PCDH11X: variants seen among roughly 807,000 people sequenced by gnomAD.
PCDH11X encodes the protein protocadherin-11 X-linked.
PCDH11X carries 18 observed loss-of-function variants against 53.3 expected under a neutral mutation model. The observed-to-expected ratio is 0.34, with a 90% CI of 0.23 to 0.50. The LOEUF (loss-of-function observed/expected upper bound fraction) is 0.50. Among genes scored for constraint, PCDH11X ranks in the 20% least tolerant of loss-of-function variants. The pLI is 0.98. For synonymous variants in PCDH11X, 279 were observed against 393.3 expected (o/e 0.71, Z 3.44); for missense variants, 570 against 1,032.4 (o/e 0.55, Z 6.14).
chrX:92,185,460 C>T (rs1335981749), intron 6 of PCDH11X, among the ~76,000 whole-genome samples: 2 of 110,844 alleles, frequency 1.8e-5, no homozygotes, highest in East Asian at 2.8e-4. Context: ...GAGAAGATTT[C>T]ATAGATAAGA....
chrX:91,994,730 C>T (rs1405580837), intron 6 of PCDH11X, among the ~76,000 whole-genome samples: 1 of 111,225 alleles, frequency 9.0e-6, no homozygotes, highest in African/African-American at 3.3e-5. Context: ...ACACTGTTTT[C>T]CATAATGGCT....
At chrX:92,238,863 C>T (rs2067215932) in intron 7 of PCDH11X, among the ~76,000 whole-genome samples, 1 of 111,652 alleles carries the variant, frequency 9.0e-6, no homozygotes, top group African/African-American at 3.2e-5. Flanking sequence ...GACTTACTAT[C>T]CAATATGTGG....
intron 9 of PCDH11X, among the ~76,000 whole-genome samples, chrX:92,397,502 C>A (rs1349771756): frequency 9.2e-6 from 1 of 108,830 alleles, no homozygotes; most frequent in Non-Finnish European, 1.9e-5. Context: ...CGGAATCTCA[C>A]TGTCACCCAG....
At chrX:92,103,563 A>G (rs1395180387) in intron 6 of PCDH11X, among the ~76,000 whole-genome samples, 8 of 111,657 alleles carry the variant, frequency 7.2e-5, no homozygotes, top group Admixed American at 2.8e-4. Context: ...GAGTTCCAGG[A>G]GCTCTGGGAG....
chrX:92,140,513 C>T (rs2148215142), intron 6 of PCDH11X, among the ~76,000 whole-genome samples: 1 of 111,574 alleles, frequency 9.0e-6, no homozygotes, highest in East Asian at 2.8e-4. Flanking sequence ...TAAAATAAAA[C>T]AGTATGTAAA....
intron 6 of PCDH11X, among the ~76,000 whole-genome samples, chrX:92,065,333 C>T (rs141798163): frequency 0.085 from 9,344 of 109,883 alleles, 880 homozygotes; most frequent in African/African-American, 0.27. Flanking sequence ...TGTTATACTG[C>T]GGATATCACT....
At chrX:92,037,051 T>C (rs1054394461) in intron 6 of PCDH11X, among the ~76,000 whole-genome samples, 16 of 111,886 alleles carry the variant, frequency 1.4e-4, no homozygotes, top group African/African-American at 4.9e-4. Context: ...TTTTATTTCA[T>C]TTTATTTTAT....
At chrX:92,553,234 A>G (rs1161378628) in intron 10 of PCDH11X, among the ~76,000 whole-genome samples, 1 of 81,450 alleles carries the variant, frequency 1.2e-5, no homozygotes, top group Non-Finnish European at 2.5e-5. Context: ...TTTTTTTTTT[A>G]TTAAGACTTT....
intron 6 of PCDH11X, among the ~76,000 whole-genome samples, chrX:91,898,215 C>A (rs1274929883): frequency 9.2e-6 from 1 of 108,809 alleles, no homozygotes; most frequent in Non-Finnish European, 1.9e-5. Context: ...AGCTAGATAT[C>A]ATTGGTATCA....
At chrX:92,139,270 C>CTTTCT (rs2065135928) in intron 6 of PCDH11X, among the ~76,000 whole-genome samples, 2 of 82,800 alleles carry the variant, frequency 2.4e-5, no homozygotes, top group African/African-American at 9.7e-5. Context: ...TTCTTTCTTT[C>CTTTCT]TTTTTTTTTT....
chrX:92,614,457 G>T (rs1184843402), intron 10 of PCDH11X, among the ~76,000 whole-genome samples: 2 of 107,468 alleles, frequency 1.9e-5, no homozygotes, highest in African/African-American at 6.8e-5. Context: ...GTTTTATATT[G>T]ATGTGTGTAG....
At chrX:92,148,092 TTC>T (rs1421431160) in intron 6 of PCDH11X, among the ~76,000 whole-genome samples, 4 of 21,204 alleles carry the variant, frequency 1.9e-4, no homozygotes, top group Non-Finnish European at 2.5e-4. Flanking sequence ...CTTTCTTTCT[TTC>T]TTTCTTTCTT....
chrX:92,340,723 C>T (rs183737284), intron 8 of PCDH11X, among the ~76,000 whole-genome samples: 3 of 112,278 alleles, frequency 2.7e-5, no homozygotes, highest in African/African-American at 6.5e-5. Flanking sequence ...CCCTAGGCCT[C>T]AGGGCCTGTG....
chrX:91,936,240 G>A (rs2562902), intron 6 of PCDH11X, among the ~76,000 whole-genome samples: 1,235 of 109,187 alleles, frequency 0.011, 33 homozygotes, highest in African/African-American at 0.04. Flanking sequence ...GGGGTGCGAT[G>A]TTTCAGCAAA....
At chrX:92,373,215 T>G (rs2070665775) in intron 8 of PCDH11X, among the ~76,000 whole-genome samples, 1 of 111,032 alleles carries the variant, frequency 9.0e-6, no homozygotes, top group African/African-American at 3.3e-5. Flanking sequence ...AAAGTCGCAG[T>G]TGGAGTTGAA....
chrX:91,836,756 A>G (rs1268245447), intron 5 of PCDH11X, among the ~76,000 whole-genome samples: 1 of 111,153 alleles, frequency 9.0e-6, no homozygotes, highest in African/African-American at 3.3e-5. Context: ...TGAATAACCT[A>G]CTCTGGCTTG....
At chrX:91,820,939 C>T (rs886442918) in intron 4 of PCDH11X, among the ~76,000 whole-genome samples, 3 of 108,401 alleles carry the variant, frequency 2.8e-5, no homozygotes, top group African/African-American at 1.1e-4. Context: ...AATCCTTTCC[C>T]CATTGCTTGT....
At chrX:92,436,002 G>C (rs1317436319) in intron 9 of PCDH11X, among the ~76,000 whole-genome samples, 1 of 110,026 alleles carries the variant, frequency 9.1e-6, no homozygotes, top group African/African-American at 3.3e-5. Flanking sequence ...ACAAGCTCCT[G>C]CATAGCAAAA....
At chrX:92,517,559 C>T (rs1569498965) in intron 10 of PCDH11X, among the ~76,000 whole-genome samples, 1 of 111,437 alleles carries the variant, frequency 9.0e-6, no homozygotes, top group East Asian at 2.8e-4. Context: ...AAATATATAA[C>T]ATTAAATAGC....
Sources: allele counts gnomAD v4.1 joint callset (sites outside exome capture counted in the v4.1 genomes callset), GRCh38; gene constraint gnomAD v4.1.1; transcripts MANE v1.5; gene names NCBI Gene and HGNC (gene_info 2026-07-23, HGNC 2026-07-21).